Variants in PDIA5 observed in about 807,000 individuals in gnomAD.
The protein encoded by PDIA5 is protein disulfide-isomerase A5.
Under a neutral mutation model 77.6 loss-of-function variants are expected in PDIA5, and 58 were observed. The ratio of observed to expected loss-of-function variants is 0.75; its 90% CI spans 0.61 to 0.93. The LOEUF (loss-of-function observed/expected upper bound fraction) is 0.93, where lower values mean the gene tolerates loss of function less well. Ranked by LOEUF, PDIA5 falls within the 40% of genes least tolerant of loss-of-function variation. The probability of loss-of-function intolerance (pLI) is 0.00; values close to 1 mark genes in which losing one functional copy is unlikely to be tolerated. For missense variants in PDIA5, 630 were observed against 647.7 expected, an observed-to-expected ratio of 0.97 and a Z score of 0.30; for synonymous variants, 250 against 252.1, an observed-to-expected ratio of 0.99 and a Z score of 0.08.
At chr3:123,122,225 T>C (rs1935136734) in intron 8 of PDIA5, among the ~76,000 whole-genome samples, 1 of 152,060 alleles carries the variant, frequency 6.6e-6, no homozygotes, top group African/African-American at 2.4e-5. Context: ...GAGGAGGACG[T>C]GTAAGATTAA....
At chr3:123,115,843 G>A (rs761416473) in intron 7 of PDIA5, among the ~76,000 whole-genome samples, 1 of 152,270 alleles carries the variant, frequency 6.6e-6, no homozygotes, top group Non-Finnish European at 1.5e-5. Context: ...TGCCTGGGCA[G>A]TGAGGGGTGG....
At chr3:123,124,447 A>G (rs1935196700) in intron 10 of PDIA5, 104 bp downstream of exon 10, 1 of 837,344 alleles carries the variant, frequency 1.2e-6, no homozygotes. Flanking sequence ...GGAAAGAATG[A>G]GGAAGGGAAT....
chr3:123,124,034 G>C (rs2107958390), intron 8 of PDIA5, 32 bp from the exon 9 acceptor site: 1 of 1,423,158 alleles, frequency 7.0e-7, no homozygotes, highest in East Asian at 2.3e-5. Context: ...TGGGGCACAG[G>C]CTCCACACGG....
intron 3 of PDIA5, among the ~76,000 whole-genome samples, chr3:123,096,909 A>G (rs1934458083): frequency 6.6e-6 from 1 of 152,222 alleles, no homozygotes; most frequent in South Asian, 2.1e-4. Context: ...TGGAGCCAGC[A>G]TGGAGCTGTG....
intron 3 of PDIA5, among the ~76,000 whole-genome samples, chr3:123,098,008 T>A (rs1934485208): frequency 6.6e-6 from 1 of 152,314 alleles, no homozygotes; most frequent in Non-Finnish European, 1.5e-5. Flanking sequence ...TGTGGCTGAC[T>A]GAGGATCTGG....
chr3:123,123,971 C>G (rs1935178866), intron 8 of PDIA5, 95 bp from the exon 9 acceptor site: 3 of 814,664 alleles, frequency 3.7e-6, no homozygotes, highest in South Asian at 1.4e-5. Flanking sequence ...TCCCATATGT[C>G]TTTCTGGTGG....
At chr3:123,068,221 A>G (rs1262001921) in intron 1 of PDIA5, among the ~76,000 whole-genome samples, 1 of 152,116 alleles carries the variant, frequency 6.6e-6, no homozygotes, top group African/African-American at 2.4e-5. Context: ...CCCCCAACCC[A>G]GATTTTCCCG....
At chr3:123,111,096 T>G in intron 7 of PDIA5, 92 bp downstream of exon 7, 1 of 855,432 alleles carries the variant, frequency 1.2e-6, no homozygotes, top group Non-Finnish European at 2.0e-6. Flanking sequence ...GTCTGGGGGA[T>G]TAGCCTGGGT....
intron 11 of PDIA5, among the ~76,000 whole-genome samples, chr3:123,140,392 G>A (rs532311865): frequency 9.9e-5 from 15 of 152,222 alleles, no homozygotes; most frequent in South Asian, 2.1e-4. Context: ...AATATACCCC[G>A]GCTGCCCTTA....
chr3:123,146,186 T>C lies in PDIA5; in HGVS notation c.1069T>C (p.Tyr357His). Residue 357 changes from tyrosine to histidine, a missense_variant, in exon 13 of 17, where the codon TAT becomes CAT. Physicochemically the swap from Tyr to His is moderately conservative, Grantham distance 83. Coordinates refer to ENST00000316218, the MANE Select transcript of PDIA5 (RefSeq NM_006810.4). ...CATCTCAGAGTTTCCTACGTTGAAG[T>C]ATTTTAAGAATGGAGAGAAATACGC... ...FHISEFPTLK[Y>H]FKNGEKYAVP... 1 of 1,614,078 alleles carries C rather than the reference T, an allele frequency of 6.2e-7. No individual in the cohort carries two copies.
intron 8 of PDIA5, among the ~76,000 whole-genome samples, chr3:123,122,930 A>G (rs1451186378): frequency 6.6e-6 from 1 of 152,014 alleles, no homozygotes; most frequent in Non-Finnish European, 1.5e-5. Context: ...TGCTTTGTGG[A>G]ACAACCTTTG....
chr3:123,145,644 A>G lies in PDIA5; in HGVS notation c.981+52A>G, dbSNP rs143190132. On this transcript the variant is annotated intron_variant, in intron 12 of 16. Transcript: ENST00000316218. ...CGTTCTCTTTGAAAGAATCACTGAC[A>G]GGTGGAATCATTATGACTTTCCCCT... 1,114 of 1,468,560 alleles carry G rather than the reference A, an allele frequency of 7.6e-4. 7 individuals are homozygous for G. In the African/African-American group the frequency reaches 0.014, roughly 18 times the overall value. The allele number at this position is 1,468,560 out of a possible 1,614,324, so 91.0% of individuals were successfully genotyped here.
chr3:123,103,736 C>T (rs1337208485), intron 5 of PDIA5, among the ~76,000 whole-genome samples: 1 of 152,170 alleles, frequency 6.6e-6, no homozygotes, highest in East Asian at 1.9e-4. Flanking sequence ...GGGACTCAGC[C>T]TGATTACTCA....
In PDIA5 at chr3:123,161,552, A is replaced by G. The variant is rs1936160368; in HGVS notation, c.1479+97A>G. The G allele has an allele frequency of 2.3e-6, 3 of 1,321,296 alleles. No individual in the cohort carries two copies. In the Admixed American group the frequency reaches 6.3e-5, roughly 28 times the overall value. The allele number at this position is 1,321,296 out of a possible 1,614,324, so 81.8% of individuals were successfully genotyped here. On this transcript the variant is annotated intron_variant, in intron 16 of 16. Coordinates refer to ENST00000316218, the MANE Select transcript of PDIA5 (RefSeq NM_006810.4). ...GGCAGCACTGGGCAGCATCCCAGAA[A>G]CTGCAGAAGTCAGCTGGAACACTGC...
intron 14 of PDIA5, among the ~76,000 whole-genome samples, chr3:123,151,886 T>C (rs1234206730): frequency 1.3e-5 from 2 of 148,520 alleles, no homozygotes; most frequent in African/African-American, 2.5e-5. Context: ...CCTTCCTGCC[T>C]GCCTTCCTTC....
intron 8 of PDIA5, among the ~76,000 whole-genome samples, chr3:123,117,464 A>G (rs1234685628): frequency 6.8e-6 from 1 of 146,534 alleles, no homozygotes; most frequent in Non-Finnish European, 1.5e-5. Flanking sequence ...AGCTCAACCG[A>G]TCTTCCCGTC....
chr3:123,073,686 A>G (rs1233127654), intron 1 of PDIA5, among the ~76,000 whole-genome samples: 1 of 152,224 alleles, frequency 6.6e-6, no homozygotes, highest in Non-Finnish European at 1.5e-5. Context: ...CCCCAGTCTG[A>G]TGCACATTCC....
intron 14 of PDIA5, among the ~76,000 whole-genome samples, chr3:123,152,260 G>T (rs570003719): frequency 2.5e-4 from 38 of 152,308 alleles, no homozygotes; most frequent in African/African-American, 8.9e-4. Context: ...GGGTACAAGG[G>T]AGGGAGACAT....
intron 11 of PDIA5, among the ~76,000 whole-genome samples, chr3:123,142,678 C>G (rs836872): frequency 0.25 from 37,296 of 152,190 alleles, 5,249 homozygotes; most frequent in East Asian, 0.69. Context: ...AGGCCAGGAA[C>G]AGCCAGGCTG....
Sources: gnomAD v4.1 joint callset for allele counts (sites outside exome capture counted in the v4.1 genomes callset) on GRCh38, gnomAD v4.1.1 for gene constraint, MANE v1.5 for transcripts, NCBI Gene and HGNC (gene_info 2026-07-23, HGNC 2026-07-21) for gene names.